The following LRRC34 variants were observed in gnomAD, a reference collection of about 807,000 sequenced individuals.
LRRC34 encodes leucine rich repeat containing 34.
In LRRC34, 44 loss-of-function variants were observed where a neutral mutation model predicts 48.5. The observed-to-expected ratio is 0.91, with a 90% CI of 0.71 to 1.17. LRRC34 has a LOEUF of 1.17. Among genes scored for constraint, LRRC34 ranks in the 50% most tolerant of loss-of-function variants. The pLI, the probability that LRRC34 is intolerant of heterozygous loss-of-function variation, is 0.00. For synonymous variants in LRRC34, 192 were observed against 197.6 expected (o/e 0.97, Z 0.24); for missense variants, 502 against 563.0 (o/e 0.89, Z 1.10).
In LRRC34 at chr3:169,796,939, G is replaced by A. The variant is rs1239615969; in HGVS notation, c.754-40C>T. 3.5e-6 allele frequency: 5 copies of A among 1,431,504 alleles called. No homozygotes were observed. The South Asian group carries it at 6.2e-5, about 18-fold the overall frequency. 88.7% of individuals were successfully genotyped at this position (1,431,504 alleles called of 1,614,324 possible). On this transcript the variant is annotated intron_variant, in intron 7 of 10. Transcript: ENST00000446859. ...AATCTTATTTCTAAAATATAATTTT[G>A]AAGTAGTACATGTTTATTTCAGACA...
chr3:169,810,026 G>A (rs1243849215), intron 1 of LRRC34, among the ~76,000 whole-genome samples: 1 of 147,750 alleles, frequency 6.8e-6, no homozygotes, highest in African/African-American at 2.5e-5. Flanking sequence ...GCGCAATCTC[G>A]GCTCACTGCA....
At position 169,796,848 on chromosome 3, in the gene LRRC34, C is replaced by T. The variant is rs1173457131; in HGVS notation, c.805G>A (p.Val269Ile). The T allele has an allele frequency of 3.7e-6, 6 of 1,608,350 alleles. No homozygotes were observed. The highest frequency in any genetic ancestry group is 5.1e-6 in the Non-Finnish European group (6 of 1,177,534). ...GRMLKENHCLVALHMCKHDIK... is the reference protein window; with the variant it reads ...GRMLKENHCLIALHMCKHDIK... ...TCATGCTTACACATGTGTAGTGCAA[C>T]AAGACAGTGATTTTCTTTCAACATG... Residue 269 changes from valine (V) to isoleucine (I), a missense_variant, in exon 8 of 11, where the codon GTT becomes ATT. By Grantham distance (29) the Val-to-Ile change is conservative. Coordinates refer to ENST00000446859, the MANE Select transcript of LRRC34 (RefSeq NM_001172779.2).
chr3:169,798,456 G>A (rs371106543), intron 7 of LRRC34, among the ~76,000 whole-genome samples: 21 of 152,164 alleles, frequency 1.4e-4, no homozygotes, highest in Admixed American at 2.6e-4. Flanking sequence ...AGTAAAACCC[G>A]TACATGGAAT....
chr3:169,809,199 CTTTTT>C (rs35059929), intron 1 of LRRC34, among the ~76,000 whole-genome samples: 1 of 113,364 alleles, frequency 8.8e-6, no homozygotes, highest in Non-Finnish European at 1.9e-5. Flanking sequence ...CTCAAGGTTT[CTTTTT>C]TTTTTTTTTT....
chr3:169,810,081 C>T (rs559934962), intron 1 of LRRC34, among the ~76,000 whole-genome samples: 36 of 151,498 alleles, frequency 2.4e-4, no homozygotes, highest in African/African-American at 6.6e-4. Flanking sequence ...CTCAGCCTCC[C>T]GAGTAGCTGG....
chr3:169,795,706 G>C (rs1418441136), intron 9 of LRRC34, 95 bp from the exon 10 acceptor site: 1 of 1,460,466 alleles, frequency 6.8e-7, no homozygotes, highest in Non-Finnish European at 9.1e-7. Context: ...TCTTCAGTAT[G>C]TTGTAATGTA....
intron 2 of LRRC34, 64 bp downstream of exon 2, chr3:169,808,564 G>T: frequency 1.1e-6 from 1 of 893,346 alleles, no homozygotes; most frequent in Non-Finnish European, 1.8e-6. Context: ...CAATATGTTA[G>T]GATTTTCACA....
Position 169,807,721 on chromosome 3 carries a change from C to CA in LRRC34, c.258-13dup, listed in dbSNP as rs377198673. 0.056 allele frequency: 49,104 copies of CA among 874,404 alleles called. 97 individuals are homozygous for CA. Among genetic ancestry groups the CA allele is most frequent in the African/African-American group, 0.076 (2,653 of 34,814 alleles). 54.2% of individuals were successfully genotyped at this position (874,404 alleles called of 1,614,324 possible). A position where few individuals can be genotyped will look rare whatever the true frequency, so the allele number is the denominator to read the frequency against. ...TTCCTGCTGCTAGCCTGTTAAAATA[C>CA]AAAAAAAAAAAAAAAAAAAAAAGAT... On this transcript the variant is annotated splice_polypyrimidine_tract_variant and intron_variant, in intron 2 of 10. Transcript: ENST00000446859.
At chr3:169,804,460 T>G (rs1432075914) in intron 5 of LRRC34, among the ~76,000 whole-genome samples, 1 of 152,172 alleles carries the variant, frequency 6.6e-6, no homozygotes, top group Non-Finnish European at 1.5e-5. Flanking sequence ...CACGCCTGGC[T>G]AATTTTTTTC....
chr3:169,804,147 C>A lies in LRRC34; in HGVS notation c.563G>T (p.Gly188Val). 6.2e-7 allele frequency: 1 copy of A among 1,603,904 alleles called. No individual in the cohort carries two copies. Among genetic ancestry groups the A allele is most frequent in the Non-Finnish European group, 8.5e-7 (1 of 1,174,920 alleles). The change falls in exon 6 of 11, where the codon GGA (glycine) becomes GTA (valine). Residue 188 changes from glycine (G) to valine (V), a missense_variant. Physicochemically the swap from Gly to Val is moderately radical, Grantham distance 109. Transcript: ENST00000446859. ...TCCACCTTTATTTTCAATTTTGTTT[C>A]CAGTCATTCTTAGGTATTTCAGAGT... ...NRTLKYLRMT[G>V]NKIENKGGMF...
intron 8 of LRRC34, 98 bp from the exon 9 acceptor site, chr3:169,796,467 G>A: frequency 1.5e-6 from 2 of 1,346,926 alleles, no homozygotes; most frequent in Non-Finnish European, 2.0e-6. Flanking sequence ...TTCTGTTTTA[G>A]TAAAGGTTTA....
chr3:169,807,014 C>G, intron 4 of LRRC34, 83 bp from the exon 5 acceptor site: 1 of 663,810 alleles, frequency 1.5e-6, no homozygotes, highest in East Asian at 2.8e-5. Flanking sequence ...TATACACATA[C>G]AGTATATACT....
At chr3:169,799,982 G>A (rs1261575968) in intron 7 of LRRC34, among the ~76,000 whole-genome samples, 7 of 152,092 alleles carry the variant, frequency 4.6e-5, no homozygotes, top group African/African-American at 1.7e-4. Flanking sequence ...CAAAGTGCTG[G>A]GATTACAGAC....
rs768007754 is a variant in LRRC34 at position 169,808,631 on chromosome 3, T to C, written c.254A>G (p.Lys85Arg). ...ILQEVDEEIK[K>R]GLAAGITLNI... ...ATCAAGTATTTGTCTTTCTTACCCCTTTTTAATTTCTTCATCCACTTCTTG... is the reference window on the plus strand; with the variant it reads ...ATCAAGTATTTGTCTTTCTTACCCCCTTTTAATTTCTTCATCCACTTCTTG... The change falls in exon 2 of 11, where the codon AAG (lysine) becomes AGG (arginine). Residue 85 changes from lysine to arginine, a missense_variant. Coordinates refer to ENST00000446859, the MANE Select transcript of LRRC34 (RefSeq NM_001172779.2). 3 of 1,451,862 alleles carry C rather than the reference T, an allele frequency of 2.1e-6. No homozygotes were observed. The East Asian group carries it at 6.8e-5, about 33-fold the overall frequency. The allele number at this position is 1,451,862 out of a possible 1,614,324, so 89.9% of individuals were successfully genotyped here. A position where few individuals can be genotyped will look rare whatever the true frequency, so the allele number is the denominator to read the frequency against.
intron 1 of LRRC34, among the ~76,000 whole-genome samples, chr3:169,811,319 G>A (rs1256835266): frequency 6.6e-6 from 1 of 152,218 alleles, no homozygotes; most frequent in African/African-American, 2.4e-5. Context: ...TAGACTACGA[G>A]CTAAATACAG....
intron 1 of LRRC34, among the ~76,000 whole-genome samples, chr3:169,809,246 A>G (rs1051075135): frequency 1.2e-4 from 18 of 144,886 alleles, no homozygotes; most frequent in African/African-American, 4.6e-4. Flanking sequence ...CATCCACGAG[A>G]GGAAAAGGTT....
intron 6 of LRRC34, 160 bp downstream of exon 6, chr3:169,803,893 T>C (rs1779278545): frequency 2.0e-6 from 1 of 498,018 alleles, no homozygotes; most frequent in Non-Finnish European, 3.3e-6. Context: ...TTTACTATAG[T>C]CTGATTTTAT....
At chr3:169,803,430 GTAAC>G in intron 6 of LRRC34, among the ~76,000 whole-genome samples, 1 of 152,274 alleles carries the variant, frequency 6.6e-6, no homozygotes, top group East Asian at 1.9e-4. Context: ...TACAATATAA[GTAAC>G]TACTAAAAAG....
intron 7 of LRRC34, 172 bp from the exon 8 acceptor site, chr3:169,797,071 AATG>A: frequency 2.3e-6 from 1 of 430,592 alleles, no homozygotes; most frequent in East Asian, 3.8e-5. Flanking sequence ...CTTTGCCACA[AATG>A]ATATTTTTTA....
Sources: gnomAD v4.1 joint callset for allele counts (sites outside exome capture counted in the v4.1 genomes callset) on GRCh38, gnomAD v4.1.1 for gene constraint, MANE v1.5 for transcripts, NCBI Gene and HGNC (gene_info 2026-07-23, HGNC 2026-07-21) for gene names.